CTTNBP2: variants seen among roughly 807,000 people sequenced by gnomAD.
The protein encoded by CTTNBP2 is cortactin-binding protein 2.
CTTNBP2 carries 108 observed loss-of-function variants against 156.9 expected under a neutral mutation model. The ratio of observed to expected loss-of-function variants is 0.69; its 90% CI spans 0.59 to 0.81. The LOEUF (loss-of-function observed/expected upper bound fraction) is 0.81. Among genes scored for constraint, CTTNBP2 ranks in the 30% least tolerant of loss-of-function variants. The pLI is 0.00. For synonymous variants in CTTNBP2, 767 were observed against 751.8 expected (o/e 1.02, Z -0.33); for missense variants, 1,924 against 2,035.4 (o/e 0.95, Z 1.05).
At chr7:117,865,471 G>A (rs1256140590) in intron 1 of CTTNBP2, among the ~76,000 whole-genome samples, 2 of 151,214 alleles carry the variant, frequency 1.3e-5, no homozygotes, top group Admixed American at 1.3e-4. Flanking sequence ...GACCAGCCTG[G>A]GCAACATGGT....
At chr7:117,846,758 G>A (rs897019304) in intron 2 of CTTNBP2, among the ~76,000 whole-genome samples, 17 of 152,032 alleles carry the variant, frequency 1.1e-4, no homozygotes, top group Non-Finnish European at 2.2e-4. Context: ...TTATTATTAC[G>A]ATCTAACCAT....
intron 2 of CTTNBP2, among the ~76,000 whole-genome samples, chr7:117,848,108 C>T (rs924043672): frequency 3.3e-5 from 5 of 152,044 alleles, no homozygotes; most frequent in African/African-American, 9.7e-5. Context: ...TGAGCCACCA[C>T]GCCTGGCCTG....
At chr7:117,756,496 C>T in intron 12 of CTTNBP2, 59 bp downstream of exon 12, 1 of 1,346,020 alleles carries the variant, frequency 7.4e-7, no homozygotes, top group Non-Finnish European at 1.1e-6. Flanking sequence ...AATGGGCCAC[C>T]CAATTTTCCA....
intron 2 of CTTNBP2, among the ~76,000 whole-genome samples, chr7:117,832,695 G>A (rs936814670): frequency 6.9e-6 from 1 of 145,806 alleles, no homozygotes; most frequent in Non-Finnish European, 1.5e-5. Context: ...CTTAGAGACA[G>A]CAAATGACTA....
chr7:117,718,542 C>G (rs1264934428), intron 21 of CTTNBP2, among the ~76,000 whole-genome samples: 1 of 152,106 alleles, frequency 6.6e-6, no homozygotes, highest in East Asian at 1.9e-4. Context: ...AGTTGAGTGT[C>G]TCAGGGGAAG....
intron 2 of CTTNBP2, among the ~76,000 whole-genome samples, chr7:117,844,743 A>T (rs888031422): frequency 1.3e-5 from 2 of 152,174 alleles, no homozygotes; most frequent in Admixed American, 6.5e-5. Context: ...GCTGGACTCA[A>T]GCCTCAGAGA....
intron 2 of CTTNBP2, among the ~76,000 whole-genome samples, chr7:117,840,524 G>C (rs1158206589): frequency 6.6e-6 from 1 of 152,054 alleles, no homozygotes; most frequent in Non-Finnish European, 1.5e-5. Flanking sequence ...TTGAGACACT[G>C]TCTTAACAAC....
At chr7:117,817,361 A>AATATATATAT (rs59036381) in intron 2 of CTTNBP2, among the ~76,000 whole-genome samples, 82 of 53,242 alleles carry the variant, frequency 1.5e-3, no homozygotes, top group African/African-American at 5.8e-3. Flanking sequence ...AAAAAAAAAA[A>AATATATATAT]ATATATATAT....
intron 1 of CTTNBP2, among the ~76,000 whole-genome samples, chr7:117,872,698 C>T (rs1311985185): frequency 2.0e-5 from 3 of 152,322 alleles, no homozygotes; most frequent in African/African-American, 7.2e-5. Flanking sequence ...ATCCACCCCA[C>T]CCCAATCACT....
At chr7:117,830,599 A>G (rs555581360) in intron 2 of CTTNBP2, among the ~76,000 whole-genome samples, 2 of 152,362 alleles carry the variant, frequency 1.3e-5, no homozygotes, top group African/African-American at 2.4e-5. Context: ...AGCCATTGGG[A>G]GAAATATCCT....
chr7:117,864,833 T>C (rs1262946614), intron 1 of CTTNBP2, among the ~76,000 whole-genome samples: 1 of 142,654 alleles, frequency 7.0e-6, no homozygotes, highest in Non-Finnish European at 1.5e-5. Flanking sequence ...TATATTCATA[T>C]ATATTCATTC....
intron 2 of CTTNBP2, among the ~76,000 whole-genome samples, chr7:117,823,103 T>C (rs1022140838): frequency 2.0e-5 from 3 of 152,254 alleles, no homozygotes; most frequent in Non-Finnish European, 4.4e-5. Flanking sequence ...TGTTATTGAA[T>C]CTTCTATTGT....
chr7:117,787,678 T>C (rs1202327196), intron 4 of CTTNBP2, among the ~76,000 whole-genome samples: 3 of 152,190 alleles, frequency 2.0e-5, no homozygotes, highest in African/African-American at 7.2e-5. Context: ...GAACAAGAAA[T>C]TCTAGTTCAT....
At chr7:117,758,222 T>C in intron 10 of CTTNBP2, 1 of 458,358 alleles carries the variant, frequency 2.2e-6, no homozygotes, top group South Asian at 4.0e-5. Context: ...CAGGGAGAGA[T>C]CTAGAAAGCA....
intron 2 of CTTNBP2, among the ~76,000 whole-genome samples, chr7:117,838,290 A>G (rs1046244509): frequency 2.6e-5 from 4 of 152,156 alleles, no homozygotes; most frequent in Admixed American, 1.3e-4. Flanking sequence ...TGCTACTAAG[A>G]CCATGTGGAG....
At position 117,731,515 on chromosome 7, in the gene CTTNBP2, AC is replaced by A. The variant is rs138894688; in HGVS notation, c.3877-3249del. Among the ~76,000 whole-genome samples, 818 of 152,334 alleles carry A rather than the reference AC, an allele frequency of 5.4e-3. 2 individuals carry two copies. The highest frequency in any genetic ancestry group is 0.019 in the African/African-American group (776 of 41,574). On this transcript the variant is annotated intron_variant, in intron 16 of 22. Transcript: ENST00000160373. ...GGTGAGAGGAACCCGGTCTTGTCTC[AC>A]AGTCCCCAGGCCAGGGGCCAATGTT...
chr7:117,806,500 C>T (rs1799950981), intron 3 of CTTNBP2, among the ~76,000 whole-genome samples: 1 of 152,124 alleles, frequency 6.6e-6, no homozygotes, highest in African/African-American at 2.4e-5. Flanking sequence ...CCTCTTCTCT[C>T]CCTGGGCACT....
At chr7:117,773,298 A>T (rs1253044299) in intron 8 of CTTNBP2, among the ~76,000 whole-genome samples, 1 of 152,224 alleles carries the variant, frequency 6.6e-6, no homozygotes, top group Non-Finnish European at 1.5e-5. Flanking sequence ...TACCTCATGG[A>T]TACCTCCTGG....
At chr7:117,817,821 C>A (rs1029252267) in intron 2 of CTTNBP2, among the ~76,000 whole-genome samples, 2 of 151,896 alleles carry the variant, frequency 1.3e-5, no homozygotes, top group Admixed American at 6.6e-5. Flanking sequence ...AAAATAAGCC[C>A]AGGAGATAGC....
Sources: gnomAD v4.1 joint callset for allele counts (sites outside exome capture counted in the v4.1 genomes callset) on GRCh38, gnomAD v4.1.1 for gene constraint, MANE v1.5 for transcripts, NCBI Gene and HGNC (gene_info 2026-07-23, HGNC 2026-07-21) for gene names.